ZNRF1: variants seen among roughly 807,000 people sequenced by gnomAD.
ZNRF1 encodes the protein zinc and ring finger 1, also known as E3 ubiquitin-protein ligase ZNRF1.
Under a neutral mutation model 18.4 loss-of-function variants are expected in ZNRF1, and 3 were observed. The observed-to-expected ratio is 0.16, with a 90% CI of 0.07 to 0.42. The LOEUF is 0.42. ZNRF1 is among the 10% of genes least tolerant of loss of function. The pLI, the probability that ZNRF1 is intolerant of heterozygous loss-of-function variation, is 0.99. For missense variants in ZNRF1, 310 were observed against 329.8 expected (o/e 0.94, Z 0.47); for synonymous variants, 157 against 144.2 (o/e 1.09, Z -0.64).
intron 2 of ZNRF1, among the ~76,000 whole-genome samples, chr16:75,102,049 G>C (rs1175292119): frequency 6.6e-6 from 1 of 152,198 alleles, no homozygotes; most frequent in Non-Finnish European, 1.5e-5. Flanking sequence ...CCAGGAAGCT[G>C]AGAGTGACTT....
At chr16:75,091,962 G>A (rs980564098) in intron 1 of ZNRF1, among the ~76,000 whole-genome samples, 53 of 152,158 alleles carry the variant, frequency 3.5e-4, no homozygotes, top group African/African-American at 1.2e-3. Context: ...ATTATATACT[G>A]TATTACAATA....
intron 1 of ZNRF1, among the ~76,000 whole-genome samples, chr16:75,028,627 A>T (rs2035256741): frequency 2.0e-5 from 3 of 152,232 alleles, no homozygotes; most frequent in Non-Finnish European, 4.4e-5. Flanking sequence ...AAAGTTCTCA[A>T]GAATTCTCTT....
intron 1 of ZNRF1, among the ~76,000 whole-genome samples, chr16:75,091,031 G>A (rs1378993990): frequency 2.6e-5 from 4 of 152,084 alleles, no homozygotes; most frequent in Admixed American, 6.5e-5. Flanking sequence ...GATTACAGGC[G>A]TGAGACACCG....
At chr16:75,010,189 G>A (rs2034975741) in intron 1 of ZNRF1, among the ~76,000 whole-genome samples, 1 of 152,010 alleles carries the variant, frequency 6.6e-6, no homozygotes, top group Non-Finnish European at 1.5e-5. Flanking sequence ...CACCATATTG[G>A]CCAGGCTGGT....
intron 1 of ZNRF1, among the ~76,000 whole-genome samples, chr16:75,088,768 G>A (rs1461106538): frequency 6.6e-6 from 1 of 152,138 alleles, no homozygotes; most frequent in East Asian, 1.9e-4. Flanking sequence ...CCTACCTACC[G>A]TATATGAGAA....
intron 1 of ZNRF1, among the ~76,000 whole-genome samples, chr16:75,049,584 C>T (rs535397093): frequency 1.1e-4 from 16 of 152,272 alleles, no homozygotes; most frequent in African/African-American, 3.9e-4. Context: ...ATCACTTGAG[C>T]TCCGGAGTTA....
chr16:75,095,549 G>C lies in ZNRF1; in HGVS notation c.520+1882G>C, dbSNP rs529229552. 102 of 1,478,610 alleles carry C rather than the reference G, an allele frequency of 6.9e-5. No individual in the cohort carries two copies. The African/African-American group carries it at 1.3e-3, about 19-fold the overall frequency. The allele number at this position is 1,478,610 out of a possible 1,614,324, so 91.6% of individuals were successfully genotyped here. On this transcript the variant is annotated intron_variant, in intron 2 of 4. Coordinates refer to ENST00000335325, the MANE Select transcript of ZNRF1 (RefSeq NM_032268.5). ...GGAGACCTCATGAAGTCCTCCGTTT[G>C]TCCTGTGGGTTGCTAGGGCGTTCTC...
chr16:75,100,351 G>A (rs1427247469), intron 2 of ZNRF1, among the ~76,000 whole-genome samples: 2 of 152,176 alleles, frequency 1.3e-5, no homozygotes, highest in East Asian at 3.8e-4. Flanking sequence ...CAGGCCTTCC[G>A]CCCCAGGACA....
At chr16:75,019,784 G>T (rs1462643616) in intron 1 of ZNRF1, among the ~76,000 whole-genome samples, 1 of 152,102 alleles carries the variant, frequency 6.6e-6, no homozygotes, top group Non-Finnish European at 1.5e-5. Context: ...GAGTGCAGTG[G>T]TGCAGTCGCG....
intron 1 of ZNRF1, among the ~76,000 whole-genome samples, chr16:75,080,864 A>G (rs1328920976): frequency 1.3e-5 from 2 of 151,796 alleles, no homozygotes; most frequent in African/African-American, 4.8e-5. Flanking sequence ...ACAGAGAGAG[A>G]CCCTGTCTCT....
chr16:75,061,280 C>A (rs2035740508), intron 1 of ZNRF1, among the ~76,000 whole-genome samples: 3 of 152,102 alleles, frequency 2.0e-5, no homozygotes, highest in Non-Finnish European at 4.4e-5. Context: ...ACCCATTAAC[C>A]ATCCCCACCT....
intron 1 of ZNRF1, among the ~76,000 whole-genome samples, chr16:75,069,041 A>G (rs972373375): frequency 6.6e-6 from 1 of 152,132 alleles, no homozygotes. Flanking sequence ...CAAGAAAGTC[A>G]GAAAAATGGT....
chr16:75,063,523 G>A (rs2035766999), intron 1 of ZNRF1, among the ~76,000 whole-genome samples: 1 of 152,080 alleles, frequency 6.6e-6, no homozygotes, highest in South Asian at 2.1e-4. Context: ...ATTTAGCTTT[G>A]GAAAAATATA....
intron 1 of ZNRF1, among the ~76,000 whole-genome samples, chr16:75,091,283 C>T (rs1470930189): frequency 1.3e-5 from 2 of 150,444 alleles, no homozygotes; most frequent in African/African-American, 4.9e-5. Context: ...CTCTTGAACC[C>T]GGGAGGCAGA....
At chr16:75,013,353 T>A (rs1353528203) in intron 1 of ZNRF1, among the ~76,000 whole-genome samples, 2 of 151,918 alleles carry the variant, frequency 1.3e-5, no homozygotes, top group Non-Finnish European at 2.9e-5. Context: ...CATTCAATTT[T>A]TTTTTTTTTT....
At chr16:75,088,863 G>A (rs2036104384) in intron 1 of ZNRF1, among the ~76,000 whole-genome samples, 1 of 152,222 alleles carries the variant, frequency 6.6e-6, no homozygotes, top group East Asian at 1.9e-4. Context: ...AGTAGGTGCT[G>A]CAGAGGTTAA....
intron 1 of ZNRF1, among the ~76,000 whole-genome samples, chr16:75,083,941 A>G (rs1279607985): frequency 1.3e-5 from 2 of 152,232 alleles, no homozygotes; most frequent in African/African-American, 2.4e-5. Flanking sequence ...CATAATACAC[A>G]GTTCCAGAAG....
intron 1 of ZNRF1, among the ~76,000 whole-genome samples, chr16:75,011,906 A>G (rs2035004893): frequency 6.6e-6 from 1 of 152,196 alleles, no homozygotes; most frequent in African/African-American, 2.4e-5. Context: ...AAATAGTATT[A>G]TGAGCTGTTC....
intron 1 of ZNRF1, among the ~76,000 whole-genome samples, chr16:75,077,298 T>A (rs2035951490): frequency 6.6e-6 from 1 of 152,186 alleles, no homozygotes; most frequent in African/African-American, 2.4e-5. Flanking sequence ...TTTGGGAGGC[T>A]GAGGCAGGCG....
Sources: gnomAD v4.1 joint callset for allele counts (sites outside exome capture counted in the v4.1 genomes callset) on GRCh38, gnomAD v4.1.1 for gene constraint, MANE v1.5 for transcripts, NCBI Gene and HGNC (gene_info 2026-07-23, HGNC 2026-07-21) for gene names.